KCNQ5: variants seen among roughly 807,000 people sequenced by gnomAD.
KCNQ5 encodes the protein potassium voltage-gated channel subfamily KQT member 5.
A neutral mutation model predicts 98.2 loss-of-function variants in KCNQ5; 30 were observed. That is an observed-to-expected ratio of 0.31 (90% CI 0.23 to 0.41). KCNQ5 has a LOEUF of 0.41. KCNQ5 is among the 10% of genes least tolerant of loss of function. The pLI is 1.00. For synonymous variants in KCNQ5, 458 were observed against 449.4 expected (o/e 1.02, Z -0.24); for missense variants, 835 against 1,182.5 (o/e 0.71, Z 4.31).
chr6:72,804,272 T>C (rs2150096931), intron 1 of KCNQ5, among the ~76,000 whole-genome samples: 1 of 152,178 alleles, frequency 6.6e-6, no homozygotes. Flanking sequence ...ATTTATTCTA[T>C]CTAACTATAT....
intron 6 of KCNQ5, among the ~76,000 whole-genome samples, chr6:73,105,657 A>G (rs1774968308): frequency 6.6e-6 from 1 of 152,202 alleles, no homozygotes; most frequent in Non-Finnish European, 1.5e-5. Context: ...GACATTTAAA[A>G]TATTTGCAAA....
chr6:72,929,590 A>G (rs928266770), intron 1 of KCNQ5, among the ~76,000 whole-genome samples: 1 of 152,190 alleles, frequency 6.6e-6, no homozygotes, highest in Non-Finnish European at 1.5e-5. Flanking sequence ...CATAAAGTAC[A>G]TAAAGTACAA....
intron 1 of KCNQ5, among the ~76,000 whole-genome samples, chr6:72,758,382 A>G (rs143238731): frequency 7.8e-4 from 118 of 152,158 alleles, no homozygotes; most frequent in African/African-American, 2.7e-3. Flanking sequence ...TATTCTGTTT[A>G]TTTTCAGGCT....
At chr6:72,829,952 G>C (rs1776170977) in intron 1 of KCNQ5, among the ~76,000 whole-genome samples, 1 of 151,962 alleles carries the variant, frequency 6.6e-6, no homozygotes, top group African/African-American at 2.4e-5. Flanking sequence ...GACAAACAGA[G>C]AGCCAAATCA....
chr6:73,016,700 G>C (rs543159841), intron 2 of KCNQ5, among the ~76,000 whole-genome samples: 1 of 152,052 alleles, frequency 6.6e-6, no homozygotes, highest in South Asian at 2.1e-4. Flanking sequence ...ATAGCGAAAG[G>C]GCATGGACTA....
chr6:73,134,097 A>C, intron 10 of KCNQ5: 1 of 412,748 alleles, frequency 2.4e-6, no homozygotes. Context: ...TCTCTCACAC[A>C]CTCCATCTAC....
chr6:72,758,530 G>A (rs1772091917), intron 1 of KCNQ5, among the ~76,000 whole-genome samples: 1 of 152,102 alleles, frequency 6.6e-6, no homozygotes, highest in Non-Finnish European at 1.5e-5. Flanking sequence ...CTAACTAAGA[G>A]CTTAGGTCAA....
Position 73,136,503 on chromosome 6 carries a change from G to A in KCNQ5, c.1468+2862G>A, listed in dbSNP as rs566653755. Reference sequence around the variant, plus strand: ...ATCTATTTTCTAGGTCATTTCATACGAGTACAGTTTTGTTTGTTTACAAAA... The same window carrying A: ...ATCTATTTTCTAGGTCATTTCATACAAGTACAGTTTTGTTTGTTTACAAAA... On this transcript the variant is annotated intron_variant, in intron 10 of 13. Transcript: ENST00000370398. 7.9e-5 allele frequency: 12 copies of A among 152,286 alleles called. No homozygotes were observed. The South Asian group carries it at 1.2e-3, about 16-fold the overall frequency. The allele number at this position is 152,286 out of a possible 1,614,324, so 9.4% of individuals were successfully genotyped here. A position where few individuals can be genotyped will look rare whatever the true frequency, so the allele number is the denominator to read the frequency against.
intron 1 of KCNQ5, among the ~76,000 whole-genome samples, chr6:72,921,569 T>C (rs1421916049): frequency 6.6e-6 from 1 of 152,204 alleles, no homozygotes; most frequent in Non-Finnish European, 1.5e-5. Context: ...ATGACGTTGC[T>C]TGCATGAGAG....
chr6:72,876,216 C>G (rs772978864), intron 1 of KCNQ5, among the ~76,000 whole-genome samples: 3 of 151,848 alleles, frequency 2.0e-5, no homozygotes, highest in Admixed American at 1.3e-4. Flanking sequence ...CCAGTAATTT[C>G]GTGGATAAAT....
chr6:72,915,344 G>T (rs1156534147), intron 1 of KCNQ5, among the ~76,000 whole-genome samples: 2 of 151,954 alleles, frequency 1.3e-5, no homozygotes, highest in Admixed American at 6.6e-5. Context: ...ATACAGTCTG[G>T]CTTCAAGGAT....
intron 1 of KCNQ5, among the ~76,000 whole-genome samples, chr6:72,629,573 A>G (rs1483044898): frequency 6.6e-6 from 1 of 152,246 alleles, no homozygotes; most frequent in South Asian, 2.1e-4. Flanking sequence ...CACTATAAAC[A>G]AGAAAGATAG....
At chr6:72,769,009 T>G (rs762537476) in intron 1 of KCNQ5, among the ~76,000 whole-genome samples, 1 of 152,018 alleles carries the variant, frequency 6.6e-6, no homozygotes, top group Non-Finnish European at 1.5e-5. Context: ...ACTCTGCAAA[T>G]AGTGAGTCTC....
In KCNQ5 at chr6:73,191,572, CT is replaced by C. The variant is rs552507044; in HGVS notation, c.1709+876del. Among the ~76,000 whole-genome samples, 386 of 152,080 alleles carry C rather than the reference CT, an allele frequency of 2.5e-3. 2 individuals are homozygous for C. Among genetic ancestry groups the C allele is most frequent in the African/African-American group, 8.4e-3 (348 of 41,478 alleles). ...CAAAATGCAAGGACTGAGACTTGAA[CT>C]TTTTTTTATGCCCCCCAGCACACTT... On this transcript the variant is annotated intron_variant, in intron 12 of 13. Coordinates refer to ENST00000370398, the MANE Select transcript of KCNQ5 (RefSeq NM_019842.4).
At chr6:72,822,013 G>A (rs571117817) in intron 1 of KCNQ5, among the ~76,000 whole-genome samples, 1 of 152,248 alleles carries the variant, frequency 6.6e-6, no homozygotes, top group East Asian at 1.9e-4. Flanking sequence ...CTCTCAGAAA[G>A]GCTGTCAGTT....
At chr6:72,818,435 G>A (rs1280322298) in intron 1 of KCNQ5, among the ~76,000 whole-genome samples, 1 of 151,976 alleles carries the variant, frequency 6.6e-6, no homozygotes, top group Non-Finnish European at 1.5e-5. Context: ...CAGCAAGGAA[G>A]GGTATTTTTC....
chr6:72,868,073 T>C (rs1298103601), intron 1 of KCNQ5, among the ~76,000 whole-genome samples: 1 of 152,182 alleles, frequency 6.6e-6, no homozygotes, highest in Non-Finnish European at 1.5e-5. Context: ...GTCAGTCACA[T>C]AGAGTTACAT....
intron 2 of KCNQ5, among the ~76,000 whole-genome samples, chr6:73,023,578 C>T (rs1357575073): frequency 6.6e-6 from 1 of 152,132 alleles, no homozygotes; most frequent in African/African-American, 2.4e-5. Flanking sequence ...TATTAAGCCC[C>T]TAGGAACCTT....
chr6:73,038,581 G>A (rs189516148), intron 2 of KCNQ5, among the ~76,000 whole-genome samples: 2 of 151,688 alleles, frequency 1.3e-5, no homozygotes, highest in African/African-American at 4.8e-5. Flanking sequence ...ATCATAAATG[G>A]GTGTTGGATT....
Sources: allele counts gnomAD v4.1 joint callset (sites outside exome capture counted in the v4.1 genomes callset), GRCh38; gene constraint gnomAD v4.1.1; transcripts MANE v1.5; gene names NCBI Gene and HGNC (gene_info 2026-07-23, HGNC 2026-07-21).